Variants in TMEM132D observed in about 807,000 individuals in gnomAD.
TMEM132D encodes transmembrane protein 132D.
TMEM132D carries 21 observed loss-of-function variants against 62.3 expected under a neutral mutation model. That is an observed-to-expected ratio of 0.34 (90% CI 0.24 to 0.49). TMEM132D has a LOEUF of 0.49. TMEM132D is among the 20% of genes least tolerant of loss of function. The pLI is 0.99. For synonymous variants in TMEM132D, 621 were observed against 575.6 expected (o/e 1.08, Z -1.13); for missense variants, 1,346 against 1,402.8 (o/e 0.96, Z 0.65).
At chr12:129,708,922 G>A (rs750036551) in intron 1 of TMEM132D, among the ~76,000 whole-genome samples, 1 of 152,216 alleles carries the variant, frequency 6.6e-6, no homozygotes, top group South Asian at 2.1e-4. Context: ...CACATCACAT[G>A]TCCTAACCAT....
chr12:129,610,830 T>C (rs929017253), intron 2 of TMEM132D, among the ~76,000 whole-genome samples: 2 of 152,180 alleles, frequency 1.3e-5, no homozygotes, highest in African/African-American at 4.8e-5. Flanking sequence ...AAACAGCATA[T>C]AATCGCAGGG....
At chr12:129,484,400 A>T (rs536799127) in intron 3 of TMEM132D, among the ~76,000 whole-genome samples, 1 of 152,346 alleles carries the variant, frequency 6.6e-6, no homozygotes, top group South Asian at 2.1e-4. Flanking sequence ...GGCACACAAT[A>T]GAGTAATTAA....
chr12:129,141,488 T>A (rs887611545), intron 5 of TMEM132D, among the ~76,000 whole-genome samples: 1 of 152,190 alleles, frequency 6.6e-6, no homozygotes, highest in Non-Finnish European at 1.5e-5. Flanking sequence ...TGTAACATGA[T>A]GATGAGCAGT....
At chr12:129,287,811 T>A (rs1477898272) in intron 4 of TMEM132D, among the ~76,000 whole-genome samples, 2 of 152,334 alleles carry the variant, frequency 1.3e-5, no homozygotes, top group Non-Finnish European at 2.9e-5. Flanking sequence ...ACTATCCGTT[T>A]CCCACTGGTA....
At chr12:129,174,206 C>T (rs1284843937) in intron 5 of TMEM132D, among the ~76,000 whole-genome samples, 1 of 152,056 alleles carries the variant, frequency 6.6e-6, no homozygotes, top group Non-Finnish European at 1.5e-5. Context: ...CTTATTAACC[C>T]GTCCTCTAAG....
intron 2 of TMEM132D, among the ~76,000 whole-genome samples, chr12:129,619,936 T>A (rs1175465433): frequency 1.3e-5 from 2 of 152,188 alleles, no homozygotes; most frequent in African/African-American, 4.8e-5. Context: ...TAGAAAGTCA[T>A]CCAGAATGAG....
At chr12:129,608,821 G>A (rs559661566) in intron 2 of TMEM132D, among the ~76,000 whole-genome samples, 97 of 152,254 alleles carry the variant, frequency 6.4e-4, no homozygotes, top group South Asian at 1.0e-3. Context: ...AGAACAGAGC[G>A]GTTCTCAAAG....
chr12:129,345,245 CA>C (rs1869643356), intron 3 of TMEM132D, among the ~76,000 whole-genome samples: 1 of 152,148 alleles, frequency 6.6e-6, no homozygotes, highest in Non-Finnish European at 1.5e-5. Context: ...TAAGAGAATT[CA>C]ATTTTTGGCA....
chr12:129,146,076 C>CTT (rs10714658), intron 5 of TMEM132D, among the ~76,000 whole-genome samples: 1 of 149,416 alleles, frequency 6.7e-6, no homozygotes, highest in Non-Finnish European at 1.5e-5. Flanking sequence ...CCATACTGAT[C>CTT]TTTTTTTTTT....
rs56091765 is a variant in TMEM132D, at chr12:129,337,441, G to GCGCACACA, written c.1299+192_1299+193insTGTGTGCG. On this transcript the variant is annotated intron_variant, in intron 4 of 8. Coordinates refer to ENST00000422113, the MANE Select transcript of TMEM132D (RefSeq NM_133448.3). Reference sequence around the variant, plus strand: ...TAGATATAGATATAGATACACACACGCACACACACACACACACACACACAC... The same window carrying GCGCACACA: ...TAGATATAGATATAGATACACACACGCGCACACACACACACACACACACACACACACAC... Among the ~76,000 whole-genome samples, 81 of 148,228 alleles carry GCGCACACA rather than the reference G, an allele frequency of 5.5e-4. 1 individual carries two copies. The South Asian group carries it at 0.011, about 21-fold the overall frequency.
intron 1 of TMEM132D, among the ~76,000 whole-genome samples, chr12:129,805,039 AGAG>A (rs1174297675): frequency 1.4e-4 from 21 of 148,204 alleles, no homozygotes; most frequent in African/African-American, 5.0e-4. Flanking sequence ...AGGAAATAAA[AGAG>A]GATACAAACA....
chr12:129,274,484 C>G (rs1880949364), intron 4 of TMEM132D, among the ~76,000 whole-genome samples: 1 of 152,216 alleles, frequency 6.6e-6, no homozygotes, highest in Non-Finnish European at 1.5e-5. Context: ...ACCCTTTAAA[C>G]ACTGCTCATC....
At chr12:129,861,313 G>C (rs912004343) in intron 1 of TMEM132D, among the ~76,000 whole-genome samples, 1 of 152,144 alleles carries the variant, frequency 6.6e-6, no homozygotes, top group Non-Finnish European at 1.5e-5. Context: ...TTACTCCTGG[G>C]CTTGGACCAA....
chr12:129,813,850 G>A (rs537152465), intron 1 of TMEM132D, among the ~76,000 whole-genome samples: 2 of 151,860 alleles, frequency 1.3e-5, no homozygotes, highest in Non-Finnish European at 2.9e-5. Flanking sequence ...CAACAAGGGC[G>A]TCAACACAAC....
intron 3 of TMEM132D, among the ~76,000 whole-genome samples, chr12:129,511,194 C>T (rs186070055): frequency 7.9e-5 from 12 of 152,304 alleles, no homozygotes; most frequent in East Asian, 5.8e-4. Context: ...ATTCCCTTCT[C>T]TTCTCTGGTC....
chr12:129,425,299 T>C (rs1047908794), intron 3 of TMEM132D, among the ~76,000 whole-genome samples: 1 of 152,180 alleles, frequency 6.6e-6, no homozygotes, highest in Admixed American at 6.5e-5. Flanking sequence ...ATGGGAAATT[T>C]TTGTATTTAA....
At chr12:129,572,415 C>G (rs1284847445) in intron 2 of TMEM132D, among the ~76,000 whole-genome samples, 1 of 151,936 alleles carries the variant, frequency 6.6e-6, no homozygotes, top group African/African-American at 2.4e-5. Flanking sequence ...AGGCCTGCAC[C>G]CAGGGCAGAG....
chr12:129,313,355 A>T (rs559740463), intron 4 of TMEM132D, among the ~76,000 whole-genome samples: 75 of 152,152 alleles, frequency 4.9e-4, no homozygotes, highest in African/African-American at 1.7e-3. Context: ...AGTCCATTGG[A>T]TCATCCTTAT....
chr12:129,124,058 G>A (rs546620427), intron 5 of TMEM132D, among the ~76,000 whole-genome samples: 45 of 152,186 alleles, frequency 3.0e-4, no homozygotes, highest in East Asian at 3.9e-4. Context: ...ATGTGCAGCC[G>A]ACTGGTTCTG....
Sources: gnomAD v4.1 joint callset for allele counts (sites outside exome capture counted in the v4.1 genomes callset) on GRCh38, gnomAD v4.1.1 for gene constraint, MANE v1.5 for transcripts, NCBI Gene and HGNC (gene_info 2026-07-23, HGNC 2026-07-21) for gene names.